TLL1: variants seen among roughly 807,000 people sequenced by gnomAD.
TLL1 encodes the protein tolloid like 1, also known as tolloid-like protein 1.
A neutral mutation model predicts 128.2 loss-of-function variants in TLL1; 49 were observed. That is an observed-to-expected ratio of 0.38 (90% CI 0.30 to 0.48). The LOEUF (loss-of-function observed/expected upper bound fraction) is 0.48, where lower values mean the gene tolerates loss of function less well. TLL1 is among the 20% of genes least tolerant of loss of function. TLL1 has a pLI of 0.96. For synonymous variants in TLL1, 454 were observed against 418.8 expected (o/e 1.08, Z -1.03); for missense variants, 1,123 against 1,242.0 (o/e 0.90, Z 1.44).
intron 1 of TLL1, among the ~76,000 whole-genome samples, chr4:165,880,087 C>T (rs1730909819): frequency 6.6e-6 from 1 of 152,056 alleles, no homozygotes; most frequent in South Asian, 2.1e-4. Context: ...TATATAACCT[C>T]AAAGCTATGG....
intron 4 of TLL1, among the ~76,000 whole-genome samples, chr4:165,994,793 C>A (rs1226513594): frequency 1.3e-5 from 2 of 152,138 alleles, no homozygotes; most frequent in Non-Finnish European, 2.9e-5. Context: ...GGAAGCTGAT[C>A]TCTTTCAACT....
At chr4:166,057,025 A>G (rs1254781981) in intron 13 of TLL1, among the ~76,000 whole-genome samples, 159 bp from the exon 14 acceptor site, 5 of 152,118 alleles carry the variant, frequency 3.3e-5, no homozygotes, top group Admixed American at 2.6e-4. Context: ...ACCCCCAACC[A>G]TGATTCAGTT....
At chr4:166,082,183 A>G (rs976904422) in intron 18 of TLL1, among the ~76,000 whole-genome samples, 2 of 152,148 alleles carry the variant, frequency 1.3e-5, no homozygotes, top group Non-Finnish European at 2.9e-5. Context: ...AATTACCTGG[A>G]AGGCTTGTGA....
intron 1 of TLL1, among the ~76,000 whole-genome samples, chr4:165,927,706 A>G (rs889749062): frequency 6.6e-6 from 1 of 152,148 alleles, no homozygotes; most frequent in African/African-American, 2.4e-5. Flanking sequence ...GTCTGGAGAC[A>G]TTTTTGATTG....
chr4:165,913,152 A>T (rs1732617447), intron 1 of TLL1, among the ~76,000 whole-genome samples: 1 of 151,988 alleles, frequency 6.6e-6, no homozygotes, highest in Admixed American at 6.6e-5. Context: ...CACCAACAAA[A>T]CTCCCTTAGT....
intron 1 of TLL1, among the ~76,000 whole-genome samples, chr4:165,940,615 T>G (rs1293009624): frequency 6.6e-6 from 1 of 152,012 alleles, no homozygotes; most frequent in African/African-American, 2.4e-5. Flanking sequence ...TTCTTAATTG[T>G]TCAAAAAAAT....
intron 1 of TLL1, among the ~76,000 whole-genome samples, chr4:165,889,514 C>T (rs373805029): frequency 9.2e-5 from 14 of 152,306 alleles, no homozygotes; most frequent in African/African-American, 3.1e-4. Flanking sequence ...AAATGTAACT[C>T]AAACTACCTA....
chr4:166,079,795 G>T (rs1741204469), intron 18 of TLL1, among the ~76,000 whole-genome samples: 1 of 152,050 alleles, frequency 6.6e-6, no homozygotes, highest in African/African-American at 2.4e-5. Flanking sequence ...GGGCTAGATT[G>T]TTTGCTGTTA....
At chr4:165,952,402 T>A (rs1734568139) in intron 1 of TLL1, among the ~76,000 whole-genome samples, 1 of 152,118 alleles carries the variant, frequency 6.6e-6, no homozygotes, top group Admixed American at 6.6e-5. Context: ...TGCTTGGGAG[T>A]TAATTCTAAA....
At chr4:166,022,629 A>G (rs1294758924) in intron 8 of TLL1, among the ~76,000 whole-genome samples, 1 of 152,224 alleles carries the variant, frequency 6.6e-6, no homozygotes. Flanking sequence ...AGCTATAGAC[A>G]TTAGACAGCA....
intron 9 of TLL1, 133 bp downstream of exon 9, chr4:166,025,564 A>G (rs1279476336): frequency 1.6e-5 from 12 of 736,434 alleles, no homozygotes; most frequent in East Asian, 1.4e-4. Context: ...CAGAAAATTC[A>G]TAATGGGAAT....
chr4:166,099,447 G>A lies in TLL1; in HGVS notation c.2827G>A (p.Asp943Asn). Residue 943 changes from aspartate to asparagine, a missense_variant, in exon 20 of 21, where the codon GAC becomes AAC. Transcript: ENST00000061240. The part of the protein sequence containing the change: ...FQTFEVEEEA[D>N]CGYDYVELFD... ...GACATTTGAAGTGGAGGAAGAAGCA[G>A]ACTGTGGCTATGACTATGTGGAGCT... 2 of 1,613,470 alleles carry A rather than the reference G, an allele frequency of 1.2e-6. No individual in the cohort carries two copies. The highest frequency in any genetic ancestry group is 1.7e-6 in the Non-Finnish European group (2 of 1,179,628).
At chr4:166,042,265 T>C (rs1349684731) in intron 11 of TLL1, 122 bp downstream of exon 11, 4 of 703,528 alleles carry the variant, frequency 5.7e-6, no homozygotes, top group Non-Finnish European at 1.0e-5. Context: ...TCTGAATCTG[T>C]ATTATAATAT....
intron 1 of TLL1, among the ~76,000 whole-genome samples, chr4:165,893,237 G>A (rs1337340783): frequency 6.6e-6 from 1 of 152,114 alleles, no homozygotes; most frequent in South Asian, 2.1e-4. Context: ...GGAGTAACAG[G>A]GACTACATTT....
chr4:166,093,283 AG>A, intron 19 of TLL1, among the ~76,000 whole-genome samples: 1 of 152,262 alleles, frequency 6.6e-6, no homozygotes, highest in African/African-American at 2.4e-5. Flanking sequence ...GGAATGCGCT[AG>A]GAGAGCAGGG....
chr4:165,948,027 G>A, intron 1 of TLL1, among the ~76,000 whole-genome samples: 1 of 152,140 alleles, frequency 6.6e-6, no homozygotes, highest in Non-Finnish European at 1.5e-5. Flanking sequence ...GACTCAGAGG[G>A]CAGAGTAGCT....
chr4:165,975,322 C>T (rs1735825576), intron 1 of TLL1, among the ~76,000 whole-genome samples: 1 of 152,060 alleles, frequency 6.6e-6, no homozygotes, highest in Admixed American at 6.5e-5. Context: ...AGTAGTACCC[C>T]TTCCCCCTCC....
At chr4:165,965,543 C>G (rs1016854977) in intron 1 of TLL1, among the ~76,000 whole-genome samples, 9 of 152,244 alleles carry the variant, frequency 5.9e-5, no homozygotes, top group African/African-American at 2.2e-4. Flanking sequence ...TAACCCACAG[C>G]ATATTGAGTC....
chr4:166,082,738 C>A (rs145640642), intron 18 of TLL1, among the ~76,000 whole-genome samples: 5 of 152,098 alleles, frequency 3.3e-5, no homozygotes, highest in Admixed American at 3.3e-4. Flanking sequence ...AGAGCAATGG[C>A]GCAATCTCAG....
Sources: gnomAD v4.1 joint callset for allele counts (sites outside exome capture counted in the v4.1 genomes callset) on GRCh38, gnomAD v4.1.1 for gene constraint, MANE v1.5 for transcripts, NCBI Gene and HGNC (gene_info 2026-07-23, HGNC 2026-07-21) for gene names.